SFI1: variants seen among roughly 807,000 people sequenced by gnomAD.
SFI1 encodes protein SFI1 homolog.
A neutral mutation model predicts 207.5 loss-of-function variants in SFI1; 195 were observed. The observed-to-expected ratio is 0.94, with a 90% confidence interval of 0.84 to 1.06. SFI1 has a LOEUF of 1.06. SFI1 is among the 50% of genes least tolerant of loss of function. SFI1 has a pLI of 0.00. For synonymous variants in SFI1, 630 were observed against 598.9 expected (o/e 1.05, Z -0.76); for missense variants, 1,634 against 1,588.0 (o/e 1.03, Z -0.49).
chr22:31,552,239 C>T (rs531871845), intron 6 of SFI1, among the ~76,000 whole-genome samples: 1 of 152,048 alleles, frequency 6.6e-6, no homozygotes, highest in African/African-American at 2.4e-5. Context: ...GGTGGTATTC[C>T]ATGGTGTGTA....
At chr22:31,599,330 C>CTT (rs59500633) in intron 15 of SFI1, among the ~76,000 whole-genome samples, 37 of 150,282 alleles carry the variant, frequency 2.5e-4, no homozygotes, top group East Asian at 3.9e-4. Flanking sequence ...GTTGAAAAGC[C>CTT]TTTTTTTTTG....
At chr22:31,614,358 G>A (rs1431101190) in intron 27 of SFI1, 6 of 372,860 alleles carry the variant, frequency 1.6e-5, no homozygotes, top group Admixed American at 1.1e-4. Flanking sequence ...TGATGAAGCT[G>A]GTGGCTCCCA....
chr22:31,540,268 A>T (rs1569252984), intron 4 of SFI1, among the ~76,000 whole-genome samples: 1 of 147,696 alleles, frequency 6.8e-6, no homozygotes, highest in East Asian at 1.9e-4. Context: ...ATTTTATTTT[A>T]TTTATTTATT....
At chr22:31,526,875 G>T (rs927401219) in intron 2 of SFI1, among the ~76,000 whole-genome samples, 1 of 151,064 alleles carries the variant, frequency 6.6e-6, no homozygotes, top group African/African-American at 2.4e-5. Flanking sequence ...CAATACCTAC[G>T]TTGGAACTAT....
rs2065524966 is a variant in SFI1 at position 31,589,448 on chromosome 22, T to G, written c.1415T>G (p.Leu472Arg). ...QYTQKRRYKQ[L>R]LQARADGHFQ... Reference sequence around the variant, plus strand: ...AGGTTATTCATTCTTTTACTTTAGCTGCTACAGGCCAGAGCGGATGGTCAT... The same window carrying G: ...AGGTTATTCATTCTTTTACTTTAGCGGCTACAGGCCAGAGCGGATGGTCAT... Residue 472 changes from leucine to arginine, a missense_variant and splice_region_variant, in exon 15 of 33, where the codon CTG becomes CGG. Leu to Arg is a moderately radical substitution (Grantham distance 102). Transcript: ENST00000400288. The G allele has an allele frequency of 6.3e-7, 1 of 1,592,756 alleles. No homozygotes were observed. The highest frequency in any genetic ancestry group is 1.9e-5 in the Admixed American group (1 of 53,014).
At chr22:31,568,398 G>A (rs933923006) in intron 8 of SFI1, among the ~76,000 whole-genome samples, 2 of 150,946 alleles carry the variant, frequency 1.3e-5, no homozygotes, top group South Asian at 4.2e-4. Context: ...GCATGGTGGT[G>A]GTGGGCACCT....
chr22:31,496,437 C>T (rs1214786372), upstream of SFI1: 3 of 152,394 alleles, frequency 2.0e-5, no homozygotes, highest in African/African-American at 4.8e-5. Context: ...GCTGCGCAAG[C>T]CCCGGGGTCT....
chr22:31,606,434 A>AG lies in SFI1; in HGVS notation c.2157+6dup, dbSNP rs1461350026. 1 of 1,612,064 alleles carries AG rather than the reference A, an allele frequency of 6.2e-7. No homozygotes were observed. The highest frequency in any genetic ancestry group is 2.2e-5 in the East Asian group (1 of 44,876). ...CAGAAGGACCATATGTTCCAAGGTG[A>AG]GGTATAAGGAGGCAAGCTGGTCACC... On this transcript the variant is annotated splice_donor_region_variant and intron_variant, in intron 21 of 32. Transcript: ENST00000400288.
At chr22:31,561,171 A>G in intron 7 of SFI1, 119 bp from the exon 8 acceptor site, 1 of 739,574 alleles carries the variant, frequency 1.4e-6, no homozygotes, top group South Asian at 1.9e-5. Flanking sequence ...GTGAATCTAG[A>G]GATGGTACTA....
chr22:31,511,286 G>A (rs1322420463), intron 2 of SFI1, among the ~76,000 whole-genome samples: 2 of 152,052 alleles, frequency 1.3e-5, no homozygotes, highest in Admixed American at 1.3e-4. Context: ...CTGAGATCCT[G>A]CCCCTGTTGA....
At chr22:31,595,930 A>G (rs1009099622) in intron 15 of SFI1, among the ~76,000 whole-genome samples, 3 of 152,182 alleles carry the variant, frequency 2.0e-5, no homozygotes, top group African/African-American at 7.2e-5. Flanking sequence ...AGGGGCATGC[A>G]TTGGGAGAAG....
chr22:31,528,666 G>A, intron 2 of SFI1, 24 bp from the exon 3 acceptor site: 1 of 1,606,396 alleles, frequency 6.2e-7, no homozygotes, highest in South Asian at 1.1e-5. Context: ...TTCTCTCCTT[G>A]CCTCTTTCGT....
chr22:31,575,349 C>T lies in SFI1; in HGVS notation c.1041C>T (p.Ala347=), dbSNP rs1429459454. 5.6e-6 allele frequency: 9 copies of T among 1,612,410 alleles called. No homozygotes were observed. The highest frequency in any genetic ancestry group is 2.2e-5 in the South Asian group (2 of 90,628). Residue 347 remains alanine, a synonymous_variant, in exon 10 of 33, where the codon GCC becomes GCT. Coordinates refer to ENST00000400288, the MANE Select transcript of SFI1 (RefSeq NM_001007467.3). Reference sequence around the variant, plus strand: ...ACCATGCCCAGGTGGAGAAACTGGCCAGGAAGATGGCCCTGCGGCGCGCCT... The same window carrying T: ...ACCATGCCCAGGTGGAGAAACTGGCTAGGAAGATGGCCCTGCGGCGCGCCT... ...YAHHAQVEKL[A]RKMALRRAFT...
At chr22:31,531,316 A>C (rs1024710533) in intron 4 of SFI1, among the ~76,000 whole-genome samples, 187 bp downstream of exon 4, 2 of 152,202 alleles carry the variant, frequency 1.3e-5, no homozygotes, top group Non-Finnish European at 2.9e-5. Flanking sequence ...AGTTGACTGC[A>C]GCTGCATTCA....
chr22:31,575,114 GT>G, intron 9 of SFI1, 116 bp from the exon 10 acceptor site: 3 of 589,976 alleles, frequency 5.1e-6, no homozygotes, highest in Non-Finnish European at 8.3e-6. Context: ...GTGTGTGTGT[GT>G]GTGTGTGGCC....
Position 31,611,816 on chromosome 22 carries a change from C to G in SFI1, c.2466C>G (p.Thr822=), listed in dbSNP as rs758104779. 1.9e-5 allele frequency: 30 copies of G among 1,613,906 alleles called. No homozygotes were observed. Among genetic ancestry groups the G allele is most frequent in the Non-Finnish European group, 2.3e-5 (27 of 1,179,998 alleles). ...TQLLAQRLSR[T]CFRQWRQQLA... ...TGCTGGCACAGAGACTCAGCCGGAC[C>G]TGCTTCCGCCAGTGGAGACAACAGG... The change falls in exon 24 of 33, where the codon ACC becomes ACG. Residue 822 remains threonine (T), a synonymous_variant. Coordinates refer to ENST00000400288, the MANE Select transcript of SFI1 (RefSeq NM_001007467.3).
At position 31,501,465 on chromosome 22, in the gene SFI1, C is replaced by A. The variant is rs1174965177; in HGVS notation, c.-31+4828C>A. 2.0e-5 allele frequency among the ~76,000 whole-genome samples: 3 copies of A among 152,116 alleles called. No homozygotes were observed. In the East Asian group the frequency reaches 5.8e-4, roughly 29 times the overall value. On this transcript the variant is annotated intron_variant, in intron 1 of 32. Transcript: ENST00000400288. ...GATTACAGGCGTGAGTCACCGTGCC[C>A]AGCTGACATAACTTTTATATGAACT...
intron 2 of SFI1, among the ~76,000 whole-genome samples, chr22:31,509,937 T>A (rs906589183): frequency 4.7e-5 from 7 of 150,404 alleles, no homozygotes; most frequent in African/African-American, 1.7e-4. Context: ...TTATTTATTT[T>A]TGACATGGAG....
chr22:31,535,659 C>T (rs1445172554), intron 4 of SFI1, among the ~76,000 whole-genome samples: 1 of 152,104 alleles, frequency 6.6e-6, no homozygotes, highest in African/African-American at 2.4e-5. Flanking sequence ...GCTGGGATTA[C>T]AGACGTGCAC....
Sources: allele counts gnomAD v4.1 joint callset (sites outside exome capture counted in the v4.1 genomes callset), GRCh38; gene constraint gnomAD v4.1.1; transcripts MANE v1.5; gene names NCBI Gene and HGNC (gene_info 2026-07-23, HGNC 2026-07-21).